Variants in NLRP2 observed in about 807,000 individuals in gnomAD.
NLRP2 encodes the protein NACHT, LRR and PYD domains-containing protein 2.
NLRP2 carries 107 observed loss-of-function variants against 97.2 expected under a neutral mutation model. That is an observed-to-expected ratio of 1.10 (90% CI 0.94 to 1.29). NLRP2 has a LOEUF of 1.29. Ranked by LOEUF, NLRP2 falls within the 50% of genes most tolerant of loss-of-function variation. The pLI, the probability that NLRP2 is intolerant of heterozygous loss-of-function variation, is 0.00. For missense variants in NLRP2, 1,495 were observed against 1,330.3 expected (o/e 1.12, Z -1.93); for synonymous variants, 663 against 551.5 (o/e 1.20, Z -2.83).
chr19:54,965,349 C>T (rs983390228), upstream of NLRP2: 3 of 103,708 alleles, frequency 2.9e-5, no homozygotes, highest in Admixed American at 9.0e-5. Context: ...CCCTCATCTC[C>T]GCCGGCGAGT....
intron 12 of NLRP2, among the ~76,000 whole-genome samples, chr19:54,999,234 G>A (rs1255201101): frequency 2.0e-5 from 3 of 152,052 alleles, no homozygotes; most frequent in Admixed American, 6.5e-5. Flanking sequence ...TGCAACCTCC[G>A]CCTCCCGGGT....
At chr19:54,990,868 A>G (rs916433709) in intron 10 of NLRP2, 196 bp downstream of exon 10, 2 of 633,380 alleles carry the variant, frequency 3.2e-6, no homozygotes, top group Non-Finnish European at 5.7e-6. Flanking sequence ...GTAATATTCT[A>G]TAGGGATTTG....
At chr19:54,969,891 G>A (rs2070731779) in intron 1 of NLRP2, 108 bp from the exon 2 acceptor site, 2 of 1,086,322 alleles carry the variant, frequency 1.8e-6, no homozygotes, top group Non-Finnish European at 2.8e-6. Context: ...TCTTGAAGAA[G>A]CAGGGTAGAT....
chr19:54,965,367 G>C (rs1456636293), upstream of NLRP2: 2 of 102,628 alleles, frequency 1.9e-5, no homozygotes, highest in Non-Finnish European at 4.1e-5. Context: ...AGTAGGGCCA[G>C]GTGTTGGGAG....
chr19:54,984,772 C>T lies in NLRP2; in HGVS notation c.2031-275C>T, dbSNP rs189673270. ...TGCTAGGATTATAGGCGTGAGTCACCGTGCCCGGTCTATATTCTCTATCTT... is the reference window on the plus strand; with the variant it reads ...TGCTAGGATTATAGGCGTGAGTCACTGTGCCCGGTCTATATTCTCTATCTT... On this transcript the variant is annotated intron_variant, in intron 6 of 12. Coordinates refer to ENST00000448584, the MANE Select transcript of NLRP2 (RefSeq NM_017852.5). 5.3e-5 allele frequency among the ~76,000 whole-genome samples: 8 copies of T among 152,044 alleles called. No individual in the cohort carries two copies. The South Asian group carries it at 1.2e-3, about 24-fold the overall frequency.
At chr19:54,990,884 T>C (rs2072432360) in intron 10 of NLRP2, 2 of 603,706 alleles carry the variant, frequency 3.3e-6, no homozygotes, top group Non-Finnish European at 5.9e-6. Context: ...ATTTGGGGAA[T>C]GTAGCTGGTT....
chr19:54,975,601 A>G (rs1353276610), intron 3 of NLRP2, among the ~76,000 whole-genome samples: 6 of 148,962 alleles, frequency 4.0e-5, no homozygotes, highest in East Asian at 2.0e-4. Flanking sequence ...ACAGGCGCCC[A>G]CCACCACGCC....
At chr19:54,965,302 G>C (rs1369299583), upstream of NLRP2, 1 of 102,690 alleles carries the variant, frequency 9.7e-6, no homozygotes, top group African/African-American at 4.5e-5. Flanking sequence ...GGCTGCGGCC[G>C]AGAAAGAAGC....
rs1295793677 is a variant in NLRP2 at position 54,994,432 on chromosome 19, T to A, written c.2872T>A (p.Cys958Ser). The A allele has an allele frequency of 5.0e-6, 8 of 1,612,716 alleles. No individual in the cohort carries two copies. The highest frequency in any genetic ancestry group is 6.8e-6 in the Non-Finnish European group (8 of 1,179,982). Reference protein sequence around the residue: ...ALRKPLCNLRCLWLWGCSIPP... With the variant: ...ALRKPLCNLRSLWLWGCSIPP... ...GAGGAAACCACTGTGCAACTTGAGATGTCTGTGGTGAGTTAACTTATAAGT... is the reference window on the plus strand; with the variant it reads ...GAGGAAACCACTGTGCAACTTGAGAAGTCTGTGGTGAGTTAACTTATAAGT... The change falls in exon 11 of 13, where the codon TGT (cysteine) becomes AGT (serine). Residue 958 changes from cysteine (C) to serine (S), a missense_variant. By Grantham distance (112) the Cys-to-Ser change is moderately radical. Coordinates refer to ENST00000448584, the MANE Select transcript of NLRP2 (RefSeq NM_017852.5).
chr19:54,986,476 A>C, intron 8 of NLRP2, 161 bp downstream of exon 8: 1 of 693,082 alleles, frequency 1.4e-6, no homozygotes, highest in South Asian at 1.6e-5. Flanking sequence ...TTGAGTTTCT[A>C]CTTGCCTTGA....
intron 2 of NLRP2, among the ~76,000 whole-genome samples, chr19:54,971,995 A>ATTTTTT (rs61335843): frequency 7.7e-5 from 9 of 116,378 alleles, no homozygotes; most frequent in Non-Finnish European, 8.6e-5. Flanking sequence ...TGCCTGGCTG[A>ATTTTTT]TTTTTTTTTT....
chr19:54,982,265 C>T lies in NLRP2; in HGVS notation c.567C>T (p.Tyr189=), dbSNP rs372036860. 3.2e-5 allele frequency: 51 copies of T among 1,613,942 alleles called. No individual in the cohort carries two copies. Among genetic ancestry groups the T allele is most frequent in the Middle Eastern group, 1.6e-4 (1 of 6,072 alleles). ...AGGTCCAGGTTATGGCTGAGAGATA[C>T]AAGATGCTGATCCCATTCAGCAACC... The part of the protein sequence containing the change: ...SKEVQVMAER[Y]KMLIPFSNPR... Residue 189 remains tyrosine, a synonymous_variant, in exon 6 of 13, where the codon TAC becomes TAT. Coordinates refer to ENST00000448584, the MANE Select transcript of NLRP2 (RefSeq NM_017852.5).
Position 54,984,329 on chromosome 19 carries a change from G to GTGTGTTTT in NLRP2, c.2030+602_2030+603insGTGTTTTT. Among the ~76,000 whole-genome samples the GTGTGTTTT allele has an allele frequency of 1.0e-4, 8 of 79,658 alleles. 1 individual carries two copies. The highest frequency in any genetic ancestry group is 6.4e-4 in the East Asian group (2 of 3,130). 52.3% of individuals were successfully genotyped at this position (79,658 alleles called of 152,430 possible). On this transcript the variant is annotated intron_variant, in intron 6 of 12. Transcript: ENST00000448584. ...AACTTAAGTGGGGGTTTTTTTTTGT[G>GTGTGTTTT]TTTTTTTTTTTTTTTTTTTTTTTGG...
chr19:54,975,106 G>GTTTTTTTTTTTTTTTTTTTTTTTTTTT lies in NLRP2; in HGVS notation c.325+573_325+599dup, dbSNP rs558518586. ...ATGAGCCACCACCACACCCGGTTTT[G>GTTTTTTTTTTTTTTTTTTTTTTTTTTT]TTTTTTTTTTTTTTTTTTTTTTTTT... is the stretch of plus-strand genomic sequence containing the variant. On this transcript the variant is annotated intron_variant, in intron 3 of 12. Transcript: ENST00000448584. Among the ~76,000 whole-genome samples the GTTTTTTTTTTTTTTTTTTTTTTTTTTT allele has an allele frequency of 8.5e-5, 5 of 58,704 alleles. 1 individual carries two copies. The highest frequency in any genetic ancestry group is 2.5e-4 in the Admixed American group (1 of 3,926). 38.5% of individuals were successfully genotyped at this position (58,704 alleles called of 152,430 possible).
In NLRP2 at chr19:54,966,433, C is replaced by T. The variant is rs535201423; in HGVS notation, c.-52C>T. 1 of 152,274 alleles carries T rather than the reference C, an allele frequency of 6.6e-6. No homozygotes were observed. Among genetic ancestry groups the T allele is most frequent in the South Asian group, 2.1e-4 (1 of 4,820 alleles). The allele number at this position is 152,274 out of a possible 1,614,324, so 9.4% of individuals were successfully genotyped here. A position where few individuals can be genotyped will look rare whatever the true frequency, so the allele number is the denominator to read the frequency against. Reference sequence around the variant, plus strand: ...TAGAGCTTTCTCAACCTGCAGCCCTCATCTCCGCCGGCGAGTAGGGCCAGG... The same window carrying T: ...TAGAGCTTTCTCAACCTGCAGCCCTTATCTCCGCCGGCGAGTAGGGCCAGG... On this transcript the variant is annotated 5_prime_UTR_variant, in exon 1 of 13. Coordinates refer to ENST00000448584, the MANE Select transcript of NLRP2 (RefSeq NM_017852.5).
At chr19:54,967,917 A>ATTTTTTTTTT (rs55659818) in intron 1 of NLRP2, among the ~76,000 whole-genome samples, 2 of 126,308 alleles carry the variant, frequency 1.6e-5, no homozygotes, top group Non-Finnish European at 3.3e-5. Context: ...TGCTACTGCT[A>ATTTTTTTTTT]TTTTTTTTTT....
At chr19:54,984,102 C>T (rs1363610329) in intron 6 of NLRP2, among the ~76,000 whole-genome samples, 5 of 143,978 alleles carry the variant, frequency 3.5e-5, no homozygotes, top group Non-Finnish European at 6.4e-5. Flanking sequence ...GATCCACCTG[C>T]CTCAGCCTCC....
chr19:54,984,444 A>AATAT (rs1248672949), intron 6 of NLRP2, among the ~76,000 whole-genome samples: 1 of 137,158 alleles, frequency 7.3e-6, no homozygotes, highest in East Asian at 2.1e-4. Context: ...GCCCTGCCTG[A>AATAT]ATATTTCTTA....
chr19:54,982,005 C>T (rs2071606418), intron 5 of NLRP2, among the ~76,000 whole-genome samples, 157 bp from the exon 6 acceptor site: 1 of 152,058 alleles, frequency 6.6e-6, no homozygotes, highest in South Asian at 2.1e-4. Context: ...GTTGAACTCC[C>T]AATGTCAGGT....
Sources: gnomAD v4.1 joint callset for allele counts (sites outside exome capture counted in the v4.1 genomes callset) on GRCh38, gnomAD v4.1.1 for gene constraint, MANE v1.5 for transcripts, NCBI Gene and HGNC (gene_info 2026-07-23, HGNC 2026-07-21) for gene names.